The following LMNB1 variants were observed in gnomAD, a reference collection of about 807,000 sequenced individuals.
LMNB1 encodes the protein lamin-B1.
LMNB1 carries 23 observed loss-of-function variants against 67.1 expected under a neutral mutation model. That is an observed-to-expected ratio of 0.34 (90% CI 0.25 to 0.49). The LOEUF (loss-of-function observed/expected upper bound fraction) is 0.49, where lower values mean the gene tolerates loss of function less well. Among genes scored for constraint, LMNB1 ranks in the 20% least tolerant of loss-of-function variants. LMNB1 has a pLI of 0.99. For missense variants in LMNB1, 634 were observed against 746.5 expected (o/e 0.85, Z 1.76); for synonymous variants, 281 against 282.9 (o/e 0.99, Z 0.07).
At chr5:126,832,981 A>G (rs1028409475) in intron 10 of LMNB1, among the ~76,000 whole-genome samples, 180 bp downstream of exon 10, 1 of 152,222 alleles carries the variant, frequency 6.6e-6, no homozygotes, top group African/African-American at 2.4e-5. Context: ...CTGGAAGAAT[A>G]TGTTGGCACT....
At position 126,777,725 on chromosome 5, in the gene LMNB1, C is replaced by T. The variant is rs748913015; in HGVS notation, c.217C>T (p.Arg73Cys). 1.3e-6 allele frequency: 2 copies of T among 1,541,880 alleles called. No homozygotes were observed. The highest frequency in any genetic ancestry group is 1.7e-6 in the Non-Finnish European group (2 of 1,143,202). ...GACGGAGCGCGAGGAGGTGCGCGGC[C>T]GTGAGCTCACCGGCCTCAAGGCGCT... ...QVTEREEVRG[R>C]ELTGLKALYE... Residue 73 changes from arginine to cysteine, a missense_variant, in exon 1 of 11, where the codon CGT becomes TGT. Transcript: ENST00000261366.
chr5:126,830,266 A>G, intron 9 of LMNB1, among the ~76,000 whole-genome samples: 1 of 152,340 alleles, frequency 6.6e-6, no homozygotes, highest in East Asian at 1.9e-4. Context: ...GTGCACCTTC[A>G]TATGCCCAAG....
chr5:126,777,042 A>T (rs1361752860), upstream of LMNB1: 1 of 154,504 alleles, frequency 6.5e-6, no homozygotes, highest in Non-Finnish European at 1.4e-5. Context: ...CGTGCCGGCC[A>T]TGTTGGGGAG....
rs1202727796 is a variant in LMNB1 at position 126,837,005 on chromosome 5, GCT to G, written c.*744_*745del. Reference sequence around the variant, plus strand: ...TTATGTGACATTAACAAATAAAAAAGCTCTTTTAATATTGATATACTGTCCTT... The same window carrying G: ...TTATGTGACATTAACAAATAAAAAAGCTTTTAATATTGATATACTGTCCTT... On this transcript the variant is annotated 3_prime_UTR_variant, in exon 11 of 11. Coordinates refer to ENST00000261366, the MANE Select transcript of LMNB1 (RefSeq NM_005573.4). The G allele has an allele frequency of 7.6e-6, 3 of 397,054 alleles. No homozygotes were observed. Among genetic ancestry groups the G allele is most frequent in the African/African-American group, 2.1e-5 (1 of 48,520 alleles). The allele number at this position is 397,054 out of a possible 1,614,324, so 24.6% of individuals were successfully genotyped here. A position where few individuals can be genotyped will look rare whatever the true frequency, so the allele number is the denominator to read the frequency against.
chr5:126,813,152 A>T (rs1751620351), intron 5 of LMNB1, among the ~76,000 whole-genome samples: 1 of 152,276 alleles, frequency 6.6e-6, no homozygotes, highest in South Asian at 2.1e-4. Flanking sequence ...GCAGAAAATG[A>T]GTCCCATAAA....
chr5:126,835,056 C>T (rs1215277524), intron 10 of LMNB1, among the ~76,000 whole-genome samples: 1 of 152,126 alleles, frequency 6.6e-6, no homozygotes, highest in Non-Finnish European at 1.5e-5. Context: ...TAAAATATCA[C>T]TGGCCAAGCT....
intron 1 of LMNB1, among the ~76,000 whole-genome samples, chr5:126,782,853 C>T (rs199953014): frequency 7.2e-5 from 11 of 151,838 alleles, no homozygotes; most frequent in Admixed American, 2.0e-4. Flanking sequence ...TGGTCAAAAA[C>T]ATGCTAATCT....
At chr5:126,797,052 G>C (rs1251159289) in intron 1 of LMNB1, among the ~76,000 whole-genome samples, 1 of 152,052 alleles carries the variant, frequency 6.6e-6, no homozygotes, top group African/African-American at 2.4e-5. Flanking sequence ...GCCTCCCAAA[G>C]TGCTGGGATT....
chr5:126,833,391 T>G (rs1752178538), intron 10 of LMNB1, among the ~76,000 whole-genome samples: 1 of 152,186 alleles, frequency 6.6e-6, no homozygotes, highest in East Asian at 1.9e-4. Flanking sequence ...GCTGTTTGAG[T>G]CCGATCATTA....
chr5:126,793,012 G>A (rs1362404483), intron 1 of LMNB1, among the ~76,000 whole-genome samples: 2 of 152,178 alleles, frequency 1.3e-5, no homozygotes, highest in East Asian at 1.9e-4. Flanking sequence ...GCTTTTATGT[G>A]TGAGGCCACC....
At chr5:126,831,424 T>C (rs1047400932) in intron 9 of LMNB1, among the ~76,000 whole-genome samples, 5 of 152,252 alleles carry the variant, frequency 3.3e-5, no homozygotes, top group Admixed American at 2.6e-4. Context: ...TTGACCTTTT[T>C]AGTAGAAAAT....
chr5:126,796,669 A>G (rs1751100976), intron 1 of LMNB1, among the ~76,000 whole-genome samples: 1 of 152,220 alleles, frequency 6.6e-6, no homozygotes, highest in Admixed American at 6.5e-5. Context: ...TTTTATTGGG[A>G]AAGTACAACC....
rs758523326 is a variant in LMNB1 at position 126,777,947 on chromosome 5, C to G, written c.359+80C>G. 6.5e-5 allele frequency: 86 copies of G among 1,318,642 alleles called. 1 individual carries two copies. The highest frequency in any genetic ancestry group is 8.4e-5 in the Non-Finnish European group (85 of 1,016,538). 81.7% of individuals were successfully genotyped at this position (1,318,642 alleles called of 1,614,324 possible). Reference sequence around the variant, plus strand: ...CGGCGACCAGCTCACCGGGTTCTGCCGTGGGGAGGGAGCAGAGGCCAGGAT... The same window carrying G: ...CGGCGACCAGCTCACCGGGTTCTGCGGTGGGGAGGGAGCAGAGGCCAGGAT... On this transcript the variant is annotated intron_variant, in intron 1 of 10. Transcript: ENST00000261366.
intron 5 of LMNB1, among the ~76,000 whole-genome samples, chr5:126,816,033 C>T (rs1751695174): frequency 6.6e-6 from 1 of 151,888 alleles, no homozygotes; most frequent in South Asian, 2.1e-4. Context: ...TACCTTTTTG[C>T]CCATTCAAAT....
intron 1 of LMNB1, among the ~76,000 whole-genome samples, chr5:126,800,982 A>ATATATAATT: frequency 1.1e-4 from 2 of 18,632 alleles, no homozygotes; most frequent in South Asian, 2.8e-3. Context: ...TATATATATA[A>ATATATAATT]TTTTTTTTTT....
chr5:126,788,271 C>G (rs1750860318), intron 1 of LMNB1, among the ~76,000 whole-genome samples: 2 of 151,708 alleles, frequency 1.3e-5, no homozygotes, highest in Non-Finnish European at 2.9e-5. Flanking sequence ...TTGAAGTACT[C>G]AAGAGACATG....
intron 5 of LMNB1, among the ~76,000 whole-genome samples, chr5:126,815,619 A>G (rs1390665853): frequency 6.6e-6 from 1 of 152,206 alleles, no homozygotes; most frequent in Non-Finnish European, 1.5e-5. Context: ...GGTTAGTGGC[A>G]AGATCTGAGA....
At chr5:126,783,808 A>G (rs1750692202) in intron 1 of LMNB1, among the ~76,000 whole-genome samples, 1 of 152,100 alleles carries the variant, frequency 6.6e-6, no homozygotes, top group Non-Finnish European at 1.5e-5. Context: ...TGTCTGAGTT[A>G]GAAATCTTCA....
intron 1 of LMNB1, among the ~76,000 whole-genome samples, chr5:126,799,169 C>G (rs1337038607): frequency 6.6e-6 from 1 of 152,100 alleles, no homozygotes; most frequent in Non-Finnish European, 1.5e-5. Context: ...CAGGCGCCCG[C>G]CACCTCGCCC....
Sources: gnomAD v4.1 joint callset for allele counts (sites outside exome capture counted in the v4.1 genomes callset) on GRCh38, gnomAD v4.1.1 for gene constraint, MANE v1.5 for transcripts, NCBI Gene and HGNC (gene_info 2026-07-23, HGNC 2026-07-21) for gene names.